CARS1: variants seen among roughly 807,000 people sequenced by gnomAD.
CARS1 encodes cysteine--tRNA ligase, cytoplasmic.
CARS1 carries 48 observed loss-of-function variants against 106.2 expected under a neutral mutation model. That is an observed-to-expected ratio of 0.45 (90% CI 0.36 to 0.57). CARS1 has a LOEUF of 0.57. CARS1 is among the 20% of genes least tolerant of loss of function. The pLI is 0.00. For synonymous variants in CARS1, 409 were observed against 403.4 expected, an observed-to-expected ratio of 1.01 and a Z score of -0.17; for missense variants, 968 against 1,057.2, an observed-to-expected ratio of 0.92 and a Z score of 1.17.
intron 12 of CARS1, 122 bp from the exon 13 acceptor site, chr11:3,018,871 T>G: frequency 7.4e-7 from 1 of 1,343,854 alleles, no homozygotes. Context: ...TTCCAGGTGG[T>G]GCAGGCAGGG....
chr11:3,027,680 G>A (rs2134187000), intron 9 of CARS1: 4 of 291,284 alleles, frequency 1.4e-5, no homozygotes, highest in South Asian at 1.2e-4. Flanking sequence ...TAGCAGCTGA[G>A]GGGACATAGT....
At chr11:3,016,788 A>C (rs1851051946) in intron 16 of CARS1, among the ~76,000 whole-genome samples, 1 of 151,966 alleles carries the variant, frequency 6.6e-6, no homozygotes, top group Non-Finnish European at 1.5e-5. Context: ...AATTTTTAAT[A>C]TATTTTATAG....
chr11:3,031,835 T>C (rs541878753), intron 7 of CARS1, among the ~76,000 whole-genome samples: 4 of 152,292 alleles, frequency 2.6e-5, no homozygotes, highest in Non-Finnish European at 4.4e-5. Context: ...GACCCAGTCA[T>C]AGGGGACCCC....
rs200506468 is a variant in CARS1, at chr11:3,039,798, A to G, written c.552+37T>C. On this transcript the variant is annotated intron_variant, in intron 5 of 22. Transcript: ENST00000380525. The surrounding 1 kb of genome is among the most constrained non-coding windows in gnomAD (Gnocchi z 5.6). ...GTTCTATCTTCTTTTACACCATCCA[A>G]TTGCATTTAAAATTTAATCTTACAA... 3.3e-5 allele frequency: 36 copies of G among 1,077,436 alleles called. No homozygotes were observed. In the Admixed American group the frequency reaches 3.6e-4, roughly 11 times the overall value. 66.7% of individuals were successfully genotyped at this position (1,077,436 alleles called of 1,614,324 possible).
Position 3,003,285 on chromosome 11 carries a change from T to C in CARS1, c.2218-685A>G, listed in dbSNP as rs1419073395. ...AGGAGCAAGTTTGGGGAGTTGAAAA[T>C]CACATTTTCACCTTTCCTTTGGACA... On this transcript the variant is annotated intron_variant, in intron 20 of 22. Coordinates refer to ENST00000380525, the MANE Select transcript of CARS1 (RefSeq NM_001014437.3). This position sits in a 1 kb window ranked among gnomAD's most constrained non-coding sequence, Gnocchi z 4.8. Among the ~76,000 whole-genome samples, 2 of 152,126 alleles carry C rather than the reference T, an allele frequency of 1.3e-5. No homozygotes were observed. Among genetic ancestry groups the C allele is most frequent in the African/African-American group, 4.8e-5 (2 of 41,418 alleles).
intron 2 of CARS1, among the ~76,000 whole-genome samples, chr11:3,047,457 C>T (rs1257684238): frequency 6.6e-6 from 1 of 152,148 alleles, no homozygotes; most frequent in African/African-American, 2.4e-5. Flanking sequence ...CCTGGGCATG[C>T]TACGTGGAAC....
Position 3,020,462 on chromosome 11 carries a change from A to T in CARS1, c.1154-130T>A, listed in dbSNP as rs969176594. On this transcript the variant is annotated intron_variant, in intron 10 of 22. Coordinates refer to ENST00000380525, the MANE Select transcript of CARS1 (RefSeq NM_001014437.3). This position sits in a 1 kb window ranked among gnomAD's most constrained non-coding sequence, Gnocchi z 4.6. ...TAACTTCTGTTTATTAACTTGGCTC[A>T]AGCATTTCTTCAAGTTAACTATGTA... 16 of 637,182 alleles carry T rather than the reference A, an allele frequency of 2.5e-5. No homozygotes were observed. Among genetic ancestry groups the T allele is most frequent in the Non-Finnish European group, 4.6e-5 (16 of 350,892 alleles). 39.5% of individuals were successfully genotyped at this position (637,182 alleles called of 1,614,324 possible). A position where few individuals can be genotyped will look rare whatever the true frequency, so the allele number is the denominator to read the frequency against.
In CARS1 at chr11:3,030,629, G is replaced by A. The variant is rs1269406680; in HGVS notation, c.802-1186C>T. On this transcript the variant is annotated intron_variant, in intron 7 of 22. Coordinates refer to ENST00000380525, the MANE Select transcript of CARS1 (RefSeq NM_001014437.3). This position sits in a 1 kb window ranked among gnomAD's most constrained non-coding sequence, Gnocchi z 5.7. Reference sequence around the variant, plus strand: ...GAGGTCACCAAACACCCAAGAACATGAGCAACTGTGAATGGGAGTCAGCAG... The same window carrying A: ...GAGGTCACCAAACACCCAAGAACATAAGCAACTGTGAATGGGAGTCAGCAG... The A allele has an allele frequency of 6.6e-6, 1 of 152,270 alleles. No individual in the cohort carries two copies. Among genetic ancestry groups the A allele is most frequent in the Admixed American group, 6.5e-5 (1 of 15,286 alleles). 9.4% of individuals were successfully genotyped at this position (152,270 alleles called of 1,614,324 possible).
intron 10 of CARS1, among the ~76,000 whole-genome samples, chr11:3,025,874 C>T (rs962117707): frequency 2.6e-5 from 4 of 152,214 alleles, no homozygotes; most frequent in Non-Finnish European, 4.4e-5. Flanking sequence ...GCACACATCC[C>T]AGCACCCCAC....
Position 3,038,111 on chromosome 11 carries a change from T to A in CARS1, c.740A>T (p.Glu247Val). The change falls in exon 7 of 23, where the codon GAG becomes GTG. Residue 247 changes from glutamate to valine, a missense_variant. By Grantham distance (121) the Glu-to-Val change is moderately radical. Transcript: ENST00000380525. This position sits in a 1 kb window ranked among gnomAD's most constrained non-coding sequence, Gnocchi z 4.0. ...RIQHAVQLATEPLEKAVQSRL... is the reference protein window; with the variant it reads ...RIQHAVQLATVPLEKAVQSRL... Reference sequence around the variant, plus strand: ...GGACTGCACAGCTTTCTCAAGTGGCTCTGTGGCAAGCTGCACTGCGTGCTG... The same window carrying A: ...GGACTGCACAGCTTTCTCAAGTGGCACTGTGGCAAGCTGCACTGCGTGCTG... 1 of 1,614,204 alleles carries A rather than the reference T, an allele frequency of 6.2e-7. No homozygotes were observed. The highest frequency in any genetic ancestry group is 8.5e-7 in the Non-Finnish European group (1 of 1,180,018).
Position 3,001,024 on chromosome 11 carries a change from G to T in CARS1, c.*90C>A. On this transcript the variant is annotated 3_prime_UTR_variant, in exon 23 of 23. Transcript: ENST00000380525. ...CTTAATTTAGGACCCAAGGGTGACTGTAAACATGATAGGAGCGCTGGGACA... is the reference window on the plus strand; with the variant it reads ...CTTAATTTAGGACCCAAGGGTGACTTTAAACATGATAGGAGCGCTGGGACA... 4 of 1,456,138 alleles carry T rather than the reference G, an allele frequency of 2.7e-6. No individual in the cohort carries two copies. Among genetic ancestry groups the T allele is most frequent in the Non-Finnish European group, 1.9e-6 (2 of 1,050,836 alleles). 90.2% of individuals were successfully genotyped at this position (1,456,138 alleles called of 1,614,324 possible). A position where few individuals can be genotyped will look rare whatever the true frequency, so the allele number is the denominator to read the frequency against.
chr11:3,027,368 C>G (rs1052321356), intron 9 of CARS1: 1 of 155,000 alleles, frequency 6.5e-6, no homozygotes, highest in Non-Finnish European at 1.4e-5. Flanking sequence ...CTGTGTGGTT[C>G]CTGTGGGAGG....
rs900870687 is a variant in CARS1 at position 3,039,875 on chromosome 11, T to A, written c.512A>T (p.Asp171Val). The A allele has an allele frequency of 2.5e-6, 4 of 1,590,038 alleles. No individual in the cohort carries two copies. The highest frequency in any genetic ancestry group is 1.3e-5 in the African/African-American group (1 of 74,142). Residue 171 changes from aspartate (D) to valine (V), a missense_variant, in exon 5 of 23, where the codon GAT becomes GTT. By Grantham distance (152) the Asp-to-Val change is radical. Transcript: ENST00000380525. This position sits in a 1 kb window ranked among gnomAD's most constrained non-coding sequence, Gnocchi z 5.6. ...CGTAATGTTCATGCAATAAAAGACA[T>A]CAAATTTGAAGTAATCCTTCAACAC... ...RRVLKDYFKF[D>V]VFYCMNITDI...
Position 3,048,129 on chromosome 11 carries a change from A to C in CARS1, c.26-128T>G. 7.0e-6 allele frequency: 8 copies of C among 1,136,696 alleles called. No individual in the cohort carries two copies. Among genetic ancestry groups the C allele is most frequent in the Non-Finnish European group, 9.8e-6 (8 of 818,528 alleles). The allele number at this position is 1,136,696 out of a possible 1,614,324, so 70.4% of individuals were successfully genotyped here. On this transcript the variant is annotated intron_variant, in intron 1 of 22. Coordinates refer to ENST00000380525, the MANE Select transcript of CARS1 (RefSeq NM_001014437.3). This position sits in a 1 kb window ranked among gnomAD's most constrained non-coding sequence, Gnocchi z 5.1. Reference sequence around the variant, plus strand: ...TGTTCAAGCCCTTCCCTGGACGCCAAACATCCAGAACAGGCAAAGGCACAG... The same window carrying C: ...TGTTCAAGCCCTTCCCTGGACGCCACACATCCAGAACAGGCAAAGGCACAG...
intron 17 of CARS1, 142 bp from the exon 18 acceptor site, chr11:3,012,418 C>A (rs1850570304): frequency 1.4e-6 from 1 of 706,234 alleles, no homozygotes; most frequent in Admixed American, 2.2e-5. Flanking sequence ...GACCGGCATC[C>A]CAGAGCCTGG....
chr11:3,035,479 T>C (rs1265379627), intron 7 of CARS1, among the ~76,000 whole-genome samples: 2 of 152,154 alleles, frequency 1.3e-5, no homozygotes, highest in Non-Finnish European at 2.9e-5. Flanking sequence ...GAAATTTGCA[T>C]AGACATTTCT....
At position 3,003,941 on chromosome 11, in the gene CARS1, G is replaced by C. The variant is rs947047722; in HGVS notation, c.2218-1341C>G. On this transcript the variant is annotated intron_variant, in intron 20 of 22. Transcript: ENST00000380525. The surrounding 1 kb of genome is among the most constrained non-coding windows in gnomAD (Gnocchi z 4.8). The stretch of plus-strand genomic sequence containing the variant: ...CAGGCCACAGCCAAGGTGGCCAGTG[G>C]AAAGGCCAGCACAAAGAGTGCAAGG... Among the ~76,000 whole-genome samples, 3 of 152,148 alleles carry C rather than the reference G, an allele frequency of 2.0e-5. No individual in the cohort carries two copies. The highest frequency in any genetic ancestry group is 7.2e-5 in the African/African-American group (3 of 41,424).
rs937057342 is a variant in CARS1, at chr11:3,017,205, A to G, written c.1818T>C (p.Ser606=). The change falls in exon 16 of 23, where the codon AGT becomes AGC. Residue 606 remains serine (S), a synonymous_variant. Coordinates refer to ENST00000380525, the MANE Select transcript of CARS1 (RefSeq NM_001014437.3). This position sits in a 1 kb window ranked among gnomAD's most constrained non-coding sequence, Gnocchi z 4.9. The part of the protein sequence containing the change: ...TVMEEMRALV[S]QCNLYMAARK... ...GGGCTGCCATATAGAGGTTGCACTG[A>G]CTGACCAAGGCCCGCATCTCTTCCA... is the stretch of plus-strand genomic sequence containing the variant. 6.2e-7 allele frequency: 1 copy of G among 1,614,046 alleles called. No homozygotes were observed. The highest frequency in any genetic ancestry group is 1.3e-5 in the African/African-American group (1 of 74,932).
rs772503071 is a variant in CARS1, at chr11:3,044,721, GAACACACATTCGTTGATTCCAGAGTCCC to G, written c.275-2493_275-2466del. The stretch of plus-strand genomic sequence containing the variant: ...GTGCTTTTGTTTCTTTGGAAAAAAT[GAACACACATTCGTTGATTCCAGAGTCCC>G]ACCCTGACCTGAGTGATCCAACAAC... On this transcript the variant is annotated intron_variant, in intron 2 of 22. Transcript: ENST00000380525. This position sits in a 1 kb window ranked among gnomAD's most constrained non-coding sequence, Gnocchi z 4.4. 1.3e-5 allele frequency among the ~76,000 whole-genome samples: 2 copies of G among 152,110 alleles called. No individual in the cohort carries two copies. The highest frequency in any genetic ancestry group is 2.9e-5 in the Non-Finnish European group (2 of 68,034).
Sources: allele counts gnomAD v4.1 joint callset (sites outside exome capture counted in the v4.1 genomes callset), GRCh38; gene constraint gnomAD v4.1.1; non-coding constraint Gnocchi (gnomAD v3.1); transcripts MANE v1.5; gene names NCBI Gene and HGNC (gene_info 2026-07-23, HGNC 2026-07-21).